The following PJA2 variants were observed in gnomAD, a reference collection of about 807,000 sequenced individuals.
PJA2 encodes praja ring finger ubiquitin ligase 2.
Under a neutral mutation model 69.3 loss-of-function variants are expected in PJA2, and 25 were observed. The observed-to-expected ratio is 0.36, with a 90% confidence interval of 0.26 to 0.50. The LOEUF (loss-of-function observed/expected upper bound fraction) is 0.50, where lower values mean the gene tolerates loss of function less well. Among genes scored for constraint, PJA2 ranks in the 20% least tolerant of loss-of-function variants. PJA2 has a pLI of 0.96. For missense variants in PJA2, 809 were observed against 830.2 expected, an observed-to-expected ratio of 0.97 and a Z score of 0.31; for synonymous variants, 308 against 277.8, an observed-to-expected ratio of 1.11 and a Z score of -1.08.
At chr5:109,365,853 G>C (rs1762578017) in intron 5 of PJA2, among the ~76,000 whole-genome samples, 1 of 152,038 alleles carries the variant, frequency 6.6e-6, no homozygotes, top group South Asian at 2.1e-4. Flanking sequence ...TTAGCCTAAA[G>C]ATAGCTAAAA....
In PJA2 at chr5:109,377,359, C is replaced by G. The variant is rs1343136863; in HGVS notation, c.1283+845G>C. 2.0e-5 allele frequency among the ~76,000 whole-genome samples: 3 copies of G among 152,032 alleles called. No individual in the cohort carries two copies. The East Asian group carries it at 5.8e-4, about 29-fold the overall frequency. ...TAATTGAGCACTGTCAGGGATGCAA[C>G]TAGCTTACAAGGACTCATGAAAATC... is the stretch of plus-strand genomic sequence containing the variant. On this transcript the variant is annotated intron_variant, in intron 4 of 9. Transcript: ENST00000361189.
intron 5 of PJA2, among the ~76,000 whole-genome samples, chr5:109,365,387 A>G (rs545460371): frequency 6.6e-6 from 1 of 152,212 alleles, no homozygotes; most frequent in Non-Finnish European, 1.5e-5. Context: ...AACAAAACAA[A>G]TAACGAAACC....
chr5:109,396,810 G>A (rs1747427002), intron 1 of PJA2, among the ~76,000 whole-genome samples: 1 of 148,156 alleles, frequency 6.7e-6, no homozygotes, highest in African/African-American at 2.5e-5. Context: ...GGGAGAAAGA[G>A]GAAAATAACC....
chr5:109,360,268 G>C (rs539191270), intron 6 of PJA2, among the ~76,000 whole-genome samples: 1 of 152,300 alleles, frequency 6.6e-6, no homozygotes, highest in South Asian at 2.1e-4. Context: ...GTTGGGATTT[G>C]TCTGTGTCTA....
Position 109,378,217 on chromosome 5 carries a change from T to C in PJA2, c.1270A>G (p.Lys424Glu), listed in dbSNP as rs753716303. The C allele has an allele frequency of 2.5e-6, 4 of 1,611,012 alleles. No individual in the cohort carries two copies. The highest frequency in any genetic ancestry group is 3.4e-6 in the Non-Finnish European group (4 of 1,178,192). Residue 424 changes from lysine (K) to glutamate (E), a missense_variant, in exon 4 of 10, where the codon AAA becomes GAA. By Grantham distance (56) the Lys-to-Glu change is moderately conservative. Transcript: ENST00000361189. ...GCGDYYQLYD[K>E]DEDSSECSDG... The stretch of plus-strand genomic sequence containing the variant: ...ATGTGACCTTACCTATCTTCATCTT[T>C]GTCATAGAGTTGGTAATAATCTCCA...
intron 4 of PJA2, among the ~76,000 whole-genome samples, chr5:109,376,492 G>T (rs1371529738): frequency 2.0e-5 from 3 of 151,830 alleles, no homozygotes; most frequent in Non-Finnish European, 1.5e-5. Context: ...GGCAAACAAT[G>T]TAACAATTTC....
intron 4 of PJA2, among the ~76,000 whole-genome samples, chr5:109,370,984 TC>T (rs1762666606): frequency 6.6e-6 from 1 of 152,190 alleles, no homozygotes; most frequent in Non-Finnish European, 1.5e-5. Context: ...TGATCAATAA[TC>T]AAGAAGCCTA....
intron 1 of PJA2, among the ~76,000 whole-genome samples, chr5:109,397,978 A>G (rs1371143593): frequency 1.3e-5 from 2 of 152,340 alleles, no homozygotes; most frequent in Admixed American, 6.5e-5. Flanking sequence ...AACCCCATCA[A>G]AAAGTGGGTG....
chr5:109,391,297 C>T (rs1043969801), intron 1 of PJA2, among the ~76,000 whole-genome samples: 1 of 152,164 alleles, frequency 6.6e-6, no homozygotes, highest in African/African-American at 2.4e-5. Flanking sequence ...TTCAATATCC[C>T]TTTCTGAAAA....
intron 1 of PJA2, among the ~76,000 whole-genome samples, chr5:109,406,908 T>G (rs1232067418): frequency 6.6e-6 from 1 of 152,084 alleles, no homozygotes; most frequent in Admixed American, 6.6e-5. Flanking sequence ...CTGAAAAACA[T>G]GCCAAGAGAA....
chr5:109,350,261 G>C (rs1762228815), intron 7 of PJA2, among the ~76,000 whole-genome samples: 1 of 151,132 alleles, frequency 6.6e-6, no homozygotes, highest in Non-Finnish European at 1.5e-5. Context: ...AGCCTTTTAA[G>C]CCACTAGTAT....
Position 109,344,686 on chromosome 5 carries a change from A to C in PJA2, c.1879+19T>G, listed in dbSNP as rs73781293. The C allele has an allele frequency of 6.7e-7, 1 of 1,488,944 alleles. No individual in the cohort carries two copies. The highest frequency in any genetic ancestry group is 1.4e-5 in the African/African-American group (1 of 72,228). 92.2% of individuals were successfully genotyped at this position (1,488,944 alleles called of 1,614,324 possible). A position where few individuals can be genotyped will look rare whatever the true frequency, so the allele number is the denominator to read the frequency against. On this transcript the variant is annotated intron_variant, in intron 8 of 9. Transcript: ENST00000361189. ...TGTACAATGTGTTCTTCAACATTTG[A>C]GATCAACTTTGCCCTTACCAGTGTG...
intron 1 of PJA2, among the ~76,000 whole-genome samples, chr5:109,404,669 A>C (rs975946826): frequency 1.3e-5 from 2 of 152,090 alleles, no homozygotes; most frequent in African/African-American, 4.8e-5. Context: ...ATACGGCATA[A>C]GGGGATAGGA....
intron 9 of PJA2, among the ~76,000 whole-genome samples, chr5:109,343,865 G>T (rs1762127816): frequency 1.3e-5 from 2 of 152,120 alleles, no homozygotes; most frequent in South Asian, 4.1e-4. Context: ...GGAGGCTGAG[G>T]CAGGCGGATC....
chr5:109,363,469 A>G (rs1371912423), intron 5 of PJA2, among the ~76,000 whole-genome samples: 3 of 152,170 alleles, frequency 2.0e-5, no homozygotes, highest in Non-Finnish European at 4.4e-5. Context: ...ACTCTTCCCC[A>G]GCTACTATGC....
At chr5:109,354,124 G>A (rs62643548) in intron 7 of PJA2, among the ~76,000 whole-genome samples, 60,582 of 65,676 alleles carry the variant, frequency 0.92, 28,383 homozygotes, top group Middle Eastern at 1. Flanking sequence ...GATATCTATG[G>A]TATCTAGAGC....
chr5:109,343,292 AGAAAGAAAG>A (rs1305034341), intron 9 of PJA2, among the ~76,000 whole-genome samples: 4 of 31,092 alleles, frequency 1.3e-4, no homozygotes, highest in African/African-American at 2.1e-4. Flanking sequence ...AAAAAAAAAA[AGAAAGAAAG>A]AAAGAAAGAA....
At chr5:109,372,923 A>AAAAAAG (rs1272538036) in intron 4 of PJA2, among the ~76,000 whole-genome samples, 5 of 136,866 alleles carry the variant, frequency 3.7e-5, no homozygotes, top group African/African-American at 1.4e-4. Context: ...AAAAAAAAAA[A>AAAAAAG]AAAGAAAGAA....
rs2126987054 is a variant in PJA2, at chr5:109,344,173, A to ATTAG, written c.2001+16_2001+17insCTAA. On this transcript the variant is annotated intron_variant, in intron 9 of 9. Transcript: ENST00000361189. ...CTATTAAAGTATTTTTAAATTTTTA[A>ATTAG]TTATTCTATCACTCACCTTTTGTAG... The ATTAG allele has an allele frequency of 6.6e-7, 1 of 1,517,904 alleles. No individual in the cohort carries two copies. Among genetic ancestry groups the ATTAG allele is most frequent in the Non-Finnish European group, 8.9e-7 (1 of 1,129,000 alleles). The allele number at this position is 1,517,904 out of a possible 1,614,324, so 94.0% of individuals were successfully genotyped here.
Sources: allele counts gnomAD v4.1 joint callset (sites outside exome capture counted in the v4.1 genomes callset), GRCh38; gene constraint gnomAD v4.1.1; transcripts MANE v1.5; gene names NCBI Gene and HGNC (gene_info 2026-07-23, HGNC 2026-07-21).